Variants in NR3C2 observed in about 807,000 individuals in gnomAD.
The protein encoded by NR3C2 is mineralocorticoid receptor.
NR3C2 carries 15 observed loss-of-function variants against 86.4 expected under a neutral mutation model. The ratio of observed to expected loss-of-function variants is 0.17; its 90% CI spans 0.12 to 0.27. NR3C2 has a LOEUF of 0.27. Among genes scored for constraint, NR3C2 ranks in the 10% least tolerant of loss-of-function variants. The pLI is 1.00. For missense variants in NR3C2, 960 were observed against 1,195.6 expected, an observed-to-expected ratio of 0.80 and a Z score of 2.91; for synonymous variants, 458 against 450.5, an observed-to-expected ratio of 1.02 and a Z score of -0.21.
At chr4:148,178,044 T>C (rs1434778606) in intron 4 of NR3C2, among the ~76,000 whole-genome samples, 1 of 152,210 alleles carries the variant, frequency 6.6e-6, no homozygotes. Context: ...GACTCCAAAA[T>C]AAAGCCTTCA....
intron 3 of NR3C2, among the ~76,000 whole-genome samples, chr4:148,233,990 A>G (rs144889940): frequency 4.5e-4 from 68 of 152,332 alleles, no homozygotes; most frequent in African/African-American, 1.6e-3. Flanking sequence ...TCTGAAATTA[A>G]CAAATGCAAT....
intron 2 of NR3C2, among the ~76,000 whole-genome samples, chr4:148,302,690 T>C (rs1050668581): frequency 4.6e-5 from 7 of 151,822 alleles, no homozygotes; most frequent in African/African-American, 1.7e-4. Context: ...ACAGTCCCCA[T>C]AGGGTCCTAA....
At chr4:148,118,167 C>A (rs1159117475) in intron 7 of NR3C2, among the ~76,000 whole-genome samples, 3 of 152,196 alleles carry the variant, frequency 2.0e-5, no homozygotes, top group African/African-American at 7.2e-5. Flanking sequence ...CAAAGCTAAT[C>A]CTGTCCTCTG....
chr4:148,325,047 A>C (rs550710265), intron 2 of NR3C2, among the ~76,000 whole-genome samples: 1 of 152,322 alleles, frequency 6.6e-6, no homozygotes, highest in East Asian at 1.9e-4. Flanking sequence ...TATCATGAAA[A>C]TTCTCTAATA....
At chr4:148,386,968 C>G (rs1747293666) in intron 2 of NR3C2, among the ~76,000 whole-genome samples, 1 of 152,166 alleles carries the variant, frequency 6.6e-6, no homozygotes, top group Admixed American at 6.5e-5. Flanking sequence ...TAGTCCTAAC[C>G]TCCTTTTTTC....
chr4:148,323,511 C>T (rs1318709910), intron 2 of NR3C2, among the ~76,000 whole-genome samples: 2 of 149,840 alleles, frequency 1.3e-5, no homozygotes, highest in Non-Finnish European at 3.0e-5. Flanking sequence ...TCTCAGACTG[C>T]TGTGCTAGCA....
In NR3C2 at chr4:148,328,525, G is replaced by C. The variant is rs113220986; in HGVS notation, c.1758-68408C>G. Among the ~76,000 whole-genome samples, 1,239 of 152,188 alleles carry C rather than the reference G, an allele frequency of 8.1e-3. 16 individuals carry two copies. Among genetic ancestry groups the C allele is most frequent in the African/African-American group, 0.028 (1,145 of 41,518 alleles). ...ACAGAAATGGTAACCAACTCAGGTT[G>C]GCATAAAAGGAATCAGAGGAGACCT... On this transcript the variant is annotated intron_variant, in intron 2 of 8. Coordinates refer to ENST00000358102, the MANE Select transcript of NR3C2 (RefSeq NM_000901.5).
intron 4 of NR3C2, among the ~76,000 whole-genome samples, chr4:148,170,206 T>A (rs537104976): frequency 6.6e-6 from 1 of 152,296 alleles, no homozygotes; most frequent in African/African-American, 2.4e-5. Context: ...ATTTCCAGAC[T>A]TTGCCAAATG....
At chr4:148,328,761 A>G (rs1195329462) in intron 2 of NR3C2, among the ~76,000 whole-genome samples, 1 of 152,204 alleles carries the variant, frequency 6.6e-6, no homozygotes, top group Admixed American at 6.5e-5. Context: ...AAGTACCACC[A>G]ATGAGCCTGG....
chr4:148,390,182 C>CT (rs1483863834), intron 2 of NR3C2, among the ~76,000 whole-genome samples: 1 of 29,846 alleles, frequency 3.4e-5, no homozygotes, highest in African/African-American at 8.5e-5. Flanking sequence ...GTATACATTC[C>CT]TTAAAAAAAA....
At chr4:148,212,868 T>C (rs972720943) in intron 3 of NR3C2, among the ~76,000 whole-genome samples, 3 of 152,226 alleles carry the variant, frequency 2.0e-5, no homozygotes, top group Non-Finnish European at 2.9e-5. Flanking sequence ...ATCGTGTTTA[T>C]TGTGCAGATG....
chr4:148,111,834 G>A (rs1015509876), intron 8 of NR3C2, among the ~76,000 whole-genome samples: 42 of 152,216 alleles, frequency 2.8e-4, no homozygotes, highest in African/African-American at 9.9e-4. Flanking sequence ...GAGAAGGAGT[G>A]TAGGTGGAAA....
chr4:148,398,764 A>G (rs28588362), intron 2 of NR3C2, among the ~76,000 whole-genome samples: 15,849 of 152,268 alleles, frequency 0.1, 992 homozygotes, highest in Middle Eastern at 0.33. Flanking sequence ...ACATTCTAGT[A>G]GAGACAAGAA....
intron 2 of NR3C2, among the ~76,000 whole-genome samples, chr4:148,268,617 G>T (rs992502197): frequency 4.6e-5 from 7 of 152,176 alleles, no homozygotes; most frequent in Admixed American, 4.6e-4. Context: ...TTGGGGTACT[G>T]GTGCAAGATA....
chr4:148,100,470 G>A (rs1731486978), intron 8 of NR3C2, among the ~76,000 whole-genome samples: 1 of 152,158 alleles, frequency 6.6e-6, no homozygotes, highest in South Asian at 2.1e-4. Flanking sequence ...GCCTGGAAAG[G>A]TATTCAACAT....
chr4:148,275,520 T>C (rs962484170), intron 2 of NR3C2, among the ~76,000 whole-genome samples: 16 of 151,974 alleles, frequency 1.1e-4, no homozygotes, highest in Non-Finnish European at 2.9e-5. Context: ...AATCTCCACC[T>C]CCCAGTTTCA....
At chr4:148,365,777 T>C (rs1746084321) in intron 2 of NR3C2, among the ~76,000 whole-genome samples, 1 of 152,070 alleles carries the variant, frequency 6.6e-6, no homozygotes, top group Non-Finnish European at 1.5e-5. Context: ...TTTGCCTACA[T>C]TCATAATTAA....
intron 2 of NR3C2, among the ~76,000 whole-genome samples, chr4:148,261,985 T>A (rs1740147120): frequency 2.0e-5 from 3 of 152,316 alleles, no homozygotes; most frequent in Admixed American, 2.0e-4. Flanking sequence ...AGAAAAGTGC[T>A]CTTTATTATT....
At chr4:148,326,102 C>CT (rs951526038) in intron 2 of NR3C2, among the ~76,000 whole-genome samples, 1 of 151,990 alleles carries the variant, frequency 6.6e-6, no homozygotes, top group Non-Finnish European at 1.5e-5. Flanking sequence ...TTTTAAAATA[C>CT]TTTTTGGGCC....
Sources: gnomAD v4.1 joint callset for allele counts (sites outside exome capture counted in the v4.1 genomes callset) on GRCh38, gnomAD v4.1.1 for gene constraint, MANE v1.5 for transcripts, NCBI Gene and HGNC (gene_info 2026-07-23, HGNC 2026-07-21) for gene names.